Variants in LIPK observed in about 807,000 individuals in gnomAD.
LIPK encodes lipase member K.
LIPK carries 32 observed loss-of-function variants against 48.6 expected under a neutral mutation model. The observed-to-expected ratio is 0.66, with a 90% confidence interval of 0.50 to 0.88. The LOEUF is 0.88. Among genes scored for constraint, LIPK ranks in the 40% least tolerant of loss-of-function variants. The pLI is 0.00. For missense variants in LIPK, 507 were observed against 478.5 expected, an observed-to-expected ratio of 1.06 and a Z score of -0.56; for synonymous variants, 164 against 157.4, an observed-to-expected ratio of 1.04 and a Z score of -0.32.
In LIPK at chr10:88,732,463, TA is replaced by T; in HGVS notation, c.582del (p.Phe196LeufsTer16). On this transcript the variant is annotated frameshift_variant, in exon 6 of 10. Coordinates refer to ENST00000404190, the MANE Select transcript of LIPK (RefSeq NM_001080518.2). LOFTEE classifies it high-confidence loss of function. ...CCAGAACTGGCTAAAAAGATTAAGATATTTTTTGCACTGGCTCCAGTTGTCA... is the reference window on the plus strand; with the variant it reads ...CCAGAACTGGCTAAAAAGATTAAGATTTTTTTGCACTGGCTCCAGTTGTCA... Reference protein sequence around the residue: ...TNPELAKKIKIFFALAPVVTV... With the variant: ...TNPELAKKIKXFFALAPVVTV... 1.2e-6 allele frequency: 2 copies of T among 1,613,758 alleles called. No individual in the cohort carries two copies. The highest frequency in any genetic ancestry group is 2.2e-5 in the South Asian group (2 of 90,988).
chr10:88,752,217 C>T (rs1434096618), intron 9 of LIPK, among the ~76,000 whole-genome samples: 1 of 152,110 alleles, frequency 6.6e-6, no homozygotes, highest in African/African-American at 2.4e-5. Flanking sequence ...AGATCAAATG[C>T]TAACTAGAAA....
Position 88,726,789 on chromosome 10 carries a change from T to C in LIPK, c.106-6T>C, listed in dbSNP as rs1413689676. On this transcript the variant is annotated splice_polypyrimidine_tract_variant and splice_region_variant and intron_variant, in intron 2 of 9. Coordinates refer to ENST00000404190, the MANE Select transcript of LIPK (RefSeq NM_001080518.2). Reference sequence around the variant, plus strand: ...TGAAGGTATATATTTCCTTTCCTCTTTTTAGAGCCAGATTATTTCTTACTG... The same window carrying C: ...TGAAGGTATATATTTCCTTTCCTCTCTTTAGAGCCAGATTATTTCTTACTG... 2 of 1,427,872 alleles carry C rather than the reference T, an allele frequency of 1.4e-6. No homozygotes were observed. The highest frequency in any genetic ancestry group is 3.5e-5 in the Admixed American group (2 of 56,998). 88.5% of individuals were successfully genotyped at this position (1,427,872 alleles called of 1,614,324 possible). A position where few individuals can be genotyped will look rare whatever the true frequency, so the allele number is the denominator to read the frequency against.
chr10:88,729,702 A>G (rs185588047), intron 3 of LIPK, among the ~76,000 whole-genome samples: 6 of 152,324 alleles, frequency 3.9e-5, no homozygotes, highest in Admixed American at 3.3e-4. Context: ...CAGAGTTAGT[A>G]ACACCTCTTC....
Position 88,732,241 on chromosome 10 carries a change from A to G in LIPK, c.486A>G (p.Gly162=). 2 of 1,613,874 alleles carry G rather than the reference A, an allele frequency of 1.2e-6. No individual in the cohort carries two copies. The highest frequency in any genetic ancestry group is 1.3e-5 in the African/African-American group (1 of 75,038). The change falls in exon 5 of 10, where the codon GGA becomes GGG. Residue 162 remains glycine, a synonymous_variant. Transcript: ENST00000404190. ...ATINFIIEKT[G]QKRLYYVGHS... ...TCAATTTTATCATAGAGAAAACTGG[A>G]CAGAAGCGACTCTACTACGTGGGCC...
In LIPK at chr10:88,737,632, T is replaced by G. The variant is rs1479539522; in HGVS notation, c.670-3T>G. On this transcript the variant is annotated splice_polypyrimidine_tract_variant and splice_region_variant and intron_variant, in intron 6 of 9. Transcript: ENST00000404190. ...TTTGATGGTGTTTTAAATTATCTTGTAGGTGTTGTTTGGTGACAAAATGTT... is the reference window on the plus strand; with the variant it reads ...TTTGATGGTGTTTTAAATTATCTTGGAGGTGTTGTTTGGTGACAAAATGTT... The G allele has an allele frequency of 1.9e-6, 3 of 1,613,228 alleles. No homozygotes were observed. In the South Asian group the frequency reaches 3.3e-5, roughly 18 times the overall value.
intron 1 of LIPK, among the ~76,000 whole-genome samples, chr10:88,723,850 C>T (rs385397): frequency 0.78 from 118,160 of 151,830 alleles, 46,960 homozygotes; most frequent in East Asian, 1. Context: ...TTTTTCCCTA[C>T]GTATTATGTA....
At chr10:88,727,473 C>T (rs1465797252) in intron 3 of LIPK, 3 of 162,008 alleles carry the variant, frequency 1.9e-5, no homozygotes, top group African/African-American at 7.2e-5. Context: ...TAGCTCCCAC[C>T]TAGCAACAGC....
chr10:88,721,120 ATCCT>A (rs368568093), intron 1 of LIPK, among the ~76,000 whole-genome samples: 118,620 of 151,442 alleles, frequency 0.78, 47,415 homozygotes, highest in East Asian at 1. Flanking sequence ...TTAGTCTAAT[ATCCT>A]TATATGCATT....
intron 1 of LIPK, among the ~76,000 whole-genome samples, chr10:88,715,770 TTC>T (rs376414344): frequency 1.3e-5 from 2 of 151,972 alleles, no homozygotes; most frequent in African/African-American, 2.4e-5. Context: ...TTTCCTTTCT[TTC>T]TCTCTCTCTT....
intron 9 of LIPK, among the ~76,000 whole-genome samples, chr10:88,744,559 C>A (rs140285844): frequency 5.9e-5 from 9 of 152,264 alleles, no homozygotes; most frequent in African/African-American, 2.2e-4. Context: ...GAAATGAAGC[C>A]AGTCAACTAA....
chr10:88,726,811 A>G lies in LIPK; in HGVS notation c.122A>G (p.Tyr41Cys). The G allele has an allele frequency of 6.3e-7, 1 of 1,575,532 alleles. No homozygotes were observed. The highest frequency in any genetic ancestry group is 8.7e-7 in the Non-Finnish European group (1 of 1,147,242). The change falls in exon 3 of 10, where the codon TAC becomes TGC. Residue 41 changes from tyrosine (Y) to cysteine (C), a missense_variant. Coordinates refer to ENST00000404190, the MANE Select transcript of LIPK (RefSeq NM_001080518.2). ...ANMNISQIIS[Y>C]WGYPYEEYDV... ...TCTTTTTAGAGCCAGATTATTTCTT[A>G]CTGGGGTTATCCTTATGAAGAGTAT...
chr10:88,749,689 G>A (rs940198584), intron 9 of LIPK, among the ~76,000 whole-genome samples: 8 of 91,188 alleles, frequency 8.8e-5, no homozygotes, highest in East Asian at 4.5e-4. Context: ...ATACCGTTCT[G>A]GACATAGGAC....
intron 1 of LIPK, among the ~76,000 whole-genome samples, chr10:88,716,501 G>T (rs1842121847): frequency 6.6e-6 from 1 of 151,524 alleles, no homozygotes; most frequent in South Asian, 2.1e-4. Flanking sequence ...GGGACTACAG[G>T]CGTGTGCCAC....
At chr10:88,731,466 T>C (rs1344073747) in intron 4 of LIPK, among the ~76,000 whole-genome samples, 2 of 152,190 alleles carry the variant, frequency 1.3e-5, no homozygotes, top group African/African-American at 4.8e-5. Context: ...GATTACAGAA[T>C]AGCTAAGCAA....
intron 1 of LIPK, among the ~76,000 whole-genome samples, chr10:88,723,674 T>C (rs1013632499): frequency 9.9e-5 from 15 of 152,124 alleles, no homozygotes; most frequent in Admixed American, 5.2e-4. Flanking sequence ...ATACTGGATA[T>C]AGAAAATTTA....
intron 9 of LIPK, among the ~76,000 whole-genome samples, chr10:88,744,051 C>T (rs550910371): frequency 2.0e-5 from 3 of 152,322 alleles, no homozygotes; most frequent in Admixed American, 6.5e-5. Flanking sequence ...CTCTAGGTAG[C>T]GCTGGCCTTT....
chr10:88,730,431 A>AG (rs1842440915), intron 3 of LIPK, among the ~76,000 whole-genome samples: 1 of 151,994 alleles, frequency 6.6e-6, no homozygotes, highest in Non-Finnish European at 1.5e-5. Flanking sequence ...CTGGGACTAC[A>AG]ACGCCCGCCA....
chr10:88,729,124 TC>T (rs1379006104), intron 3 of LIPK, among the ~76,000 whole-genome samples: 31 of 152,066 alleles, frequency 2.0e-4, no homozygotes, highest in African/African-American at 7.2e-4. Context: ...ATTTTTTTTT[TC>T]TGAAACAGAG....
At chr10:88,718,951 T>C (rs572246412) in intron 1 of LIPK, among the ~76,000 whole-genome samples, 1 of 152,154 alleles carries the variant, frequency 6.6e-6, no homozygotes, top group Non-Finnish European at 1.5e-5. Flanking sequence ...CATAAGTCAA[T>C]TGAAATAATT....
Sources: allele counts gnomAD v4.1 joint callset (sites outside exome capture counted in the v4.1 genomes callset), GRCh38; gene constraint gnomAD v4.1.1; transcripts MANE v1.5; gene names NCBI Gene and HGNC (gene_info 2026-07-23, HGNC 2026-07-21).